CHODL: variants seen among roughly 807,000 people sequenced by gnomAD.
CHODL encodes transmembrane protein MT75.
CHODL carries 29 observed loss-of-function variants against 34.5 expected under a neutral mutation model. The ratio of observed to expected loss-of-function variants is 0.84; its 90% CI spans 0.63 to 1.15. The LOEUF (loss-of-function observed/expected upper bound fraction) is 1.15. Ranked by LOEUF, CHODL falls within the 50% of genes most tolerant of loss-of-function variation. The pLI is 0.00. For missense variants in CHODL, 332 were observed against 332.5 expected, an observed-to-expected ratio of 1.00 and a Z score of 0.01; for synonymous variants, 125 against 116.1, an observed-to-expected ratio of 1.08 and a Z score of -0.49.
At chr21:18,127,606 T>C (rs953718362) in intron 2 of CHODL, among the ~76,000 whole-genome samples, 11 of 141,362 alleles carry the variant, frequency 7.8e-5, no homozygotes, top group Non-Finnish European at 1.5e-5. Context: ...GCAAGGCAAC[T>C]AAAAAAATTC....
chr21:18,233,554 G>A (rs755552412), intron 2 of CHODL, among the ~76,000 whole-genome samples: 11 of 152,086 alleles, frequency 7.2e-5, no homozygotes, highest in Non-Finnish European at 1.5e-4. Context: ...ACTCTCCTAA[G>A]AGCAGGAAGG....
chr21:18,208,318 G>A (rs1226313275), intron 2 of CHODL, among the ~76,000 whole-genome samples: 1 of 151,722 alleles, frequency 6.6e-6, no homozygotes, highest in South Asian at 2.1e-4. Flanking sequence ...CAGAATTTAG[G>A]CTTGAATCTT....
chr21:18,136,338 G>A (rs550485254), intron 2 of CHODL, among the ~76,000 whole-genome samples: 1 of 152,100 alleles, frequency 6.6e-6, no homozygotes, highest in South Asian at 2.1e-4. Context: ...TTTCTGGGCA[G>A]TCTCATGTTT....
intron 2 of CHODL, among the ~76,000 whole-genome samples, chr21:18,102,888 A>T (rs1381727682): frequency 6.6e-6 from 1 of 152,204 alleles, no homozygotes; most frequent in Non-Finnish European, 1.5e-5. Context: ...AAAGTAACAC[A>T]TTAATTTCCT....
intron 2 of CHODL, among the ~76,000 whole-genome samples, chr21:18,126,878 A>G (rs1181491485): frequency 2.0e-5 from 3 of 152,358 alleles, no homozygotes; most frequent in South Asian, 2.1e-4. Context: ...AGAAATGACA[A>G]TAGATTAAGG....
intron 2 of CHODL, among the ~76,000 whole-genome samples, chr21:18,230,947 G>A (rs892119893): frequency 8.6e-5 from 13 of 151,722 alleles, no homozygotes; most frequent in East Asian, 3.9e-4. Flanking sequence ...TCTTTCATTC[G>A]TACTTAGATG....
intron 1 of CHODL, among the ~76,000 whole-genome samples, chr21:18,014,003 T>C (rs2146416644): frequency 6.6e-6 from 1 of 152,214 alleles, no homozygotes; most frequent in East Asian, 1.9e-4. Context: ...TAGTTGGCTT[T>C]TGGGGATGGA....
chr21:18,078,645 A>G (rs545103472), intron 2 of CHODL, among the ~76,000 whole-genome samples: 4 of 152,208 alleles, frequency 2.6e-5, no homozygotes, highest in South Asian at 2.1e-4. Flanking sequence ...CTATATGGCT[A>G]TGAGTTTCTC....
At chr21:18,189,141 G>A (rs1459031337) in intron 2 of CHODL, among the ~76,000 whole-genome samples, 1 of 151,678 alleles carries the variant, frequency 6.6e-6, no homozygotes, top group Admixed American at 6.6e-5. Context: ...TCTCTTTTTT[G>A]TTTAATTTAA....
intron 3 of CHODL, among the ~76,000 whole-genome samples, chr21:18,258,489 T>G (rs946788669): frequency 1.4e-5 from 2 of 142,220 alleles, no homozygotes; most frequent in African/African-American, 4.9e-5. Flanking sequence ...ATTTATTTTA[T>G]TTTTGCATCA....
intron 2 of CHODL, among the ~76,000 whole-genome samples, chr21:18,137,460 T>A (rs1174755886): frequency 6.6e-6 from 1 of 152,180 alleles, no homozygotes; most frequent in Admixed American, 6.5e-5. Context: ...ATTTACCTAC[T>A]TAGAGCGTTT....
rs1234431546 is a variant in CHODL at position 18,260,230 on chromosome 21, C to T, written c.578C>T (p.Pro193Leu). 1.3e-6 allele frequency: 2 copies of T among 1,580,050 alleles called. No homozygotes were observed. The highest frequency in any genetic ancestry group is 2.7e-5 in the African/African-American group (2 of 72,810). The change falls in exon 4 of 6, where the codon CCT becomes CTT. Residue 193 changes from proline to leucine, a missense_variant. By Grantham distance (98) the Pro-to-Leu change is moderately conservative. Coordinates refer to ENST00000299295, the MANE Select transcript of CHODL (RefSeq NM_024944.3). The part of the protein sequence containing the change: ...EINPTAPVEK[P>L]YLTNQPGDTH... The stretch of plus-strand genomic sequence containing the variant: ...AATCCAACAGCCCCTGTAGAAAAGC[C>T]TTATCTTACAAATCAACCAGGAGAC...
intron 2 of CHODL, among the ~76,000 whole-genome samples, chr21:18,219,471 G>T (rs964686698): frequency 6.6e-6 from 1 of 152,114 alleles, no homozygotes; most frequent in African/African-American, 2.4e-5. Context: ...TGAGATTTGG[G>T]TGGGGACACA....
chr21:18,159,158 G>A (rs1292508645), intron 2 of CHODL, among the ~76,000 whole-genome samples: 1 of 152,172 alleles, frequency 6.6e-6, no homozygotes, highest in African/African-American at 2.4e-5. Context: ...AGAGGCCAGG[G>A]AGGCTGCCAC....
At chr21:18,191,439 G>GT (rs1040765117) in intron 2 of CHODL, among the ~76,000 whole-genome samples, 27 of 152,268 alleles carry the variant, frequency 1.8e-4, no homozygotes, top group African/African-American at 5.8e-4. Context: ...TGGGGAAAAT[G>GT]TTTTGACCTC....
At chr21:17,971,973 C>T (rs760479380) in intron 1 of CHODL, among the ~76,000 whole-genome samples, 7 of 152,242 alleles carry the variant, frequency 4.6e-5, no homozygotes, top group East Asian at 3.9e-4. Flanking sequence ...ACGAACAAGT[C>T]GGCTTCATCC....
chr21:18,202,305 A>C (rs1328041182), intron 2 of CHODL, among the ~76,000 whole-genome samples: 1 of 152,210 alleles, frequency 6.6e-6, no homozygotes, highest in Admixed American at 6.5e-5. Flanking sequence ...GACTGAATGC[A>C]TGTGTTCCCC....
At chr21:18,248,160 A>G (rs1281046475) in intron 1 of CHODL, among the ~76,000 whole-genome samples, 1 of 151,870 alleles carries the variant, frequency 6.6e-6, no homozygotes, top group Non-Finnish European at 1.5e-5. Flanking sequence ...TAAAACTGGC[A>G]CATGTTTTAT....
intron 2 of CHODL, among the ~76,000 whole-genome samples, chr21:18,215,808 C>T (rs1324728130): frequency 6.6e-6 from 1 of 152,096 alleles, no homozygotes; most frequent in Non-Finnish European, 1.5e-5. Context: ...ATCTGGAGAA[C>T]TCGCTACTTC....
Sources: allele counts gnomAD v4.1 joint callset (sites outside exome capture counted in the v4.1 genomes callset), GRCh38; gene constraint gnomAD v4.1.1; transcripts MANE v1.5; gene names NCBI Gene and HGNC (gene_info 2026-07-23, HGNC 2026-07-21).